Variants in ACTR3C observed in about 807,000 individuals in gnomAD.
ACTR3C encodes actin-related protein 3C.
Under a neutral mutation model 26.3 loss-of-function variants are expected in ACTR3C, and 18 were observed. The observed-to-expected ratio is 0.68, with a 90% CI of 0.47 to 1.01. ACTR3C has a LOEUF of 1.01. Ranked by LOEUF, ACTR3C falls within the 50% of genes least tolerant of loss-of-function variation. The pLI, the probability that ACTR3C is intolerant of heterozygous loss-of-function variation, is 0.00. For missense variants in ACTR3C, 184 were observed against 250.7 expected, an observed-to-expected ratio of 0.73 and a Z score of 1.80; for synonymous variants, 55 against 94.5, an observed-to-expected ratio of 0.58 and a Z score of 2.42.
chr7:150,184,003 T>G, the ACTR3C span, among the ~76,000 whole-genome samples: 1 of 150,734 alleles, frequency 6.6e-6, no homozygotes, highest in Non-Finnish European at 1.5e-5. Context: ...TAATTGTAAG[T>G]TTCCTGGGAC....
At chr7:150,308,114 T>G (rs1266352877) in intron 1 of ACTR3C, among the ~76,000 whole-genome samples, 1 of 152,180 alleles carries the variant, frequency 6.6e-6, no homozygotes, top group Non-Finnish European at 1.5e-5. Flanking sequence ...GTTTAATCAC[T>G]GCGGGGACAC....
At chr7:150,206,645 T>C in the ACTR3C span, among the ~76,000 whole-genome samples, 3 of 151,956 alleles carry the variant, frequency 2.0e-5, no homozygotes, top group East Asian at 5.8e-4. Flanking sequence ...TGGTCTCAAA[T>C]TCCTGACCTC....
At chr7:150,226,339 C>T in the ACTR3C span, among the ~76,000 whole-genome samples, 4 of 152,162 alleles carry the variant, frequency 2.6e-5, no homozygotes, top group African/African-American at 9.7e-5. Flanking sequence ...GCTCCTATTG[C>T]TCTGCTTCCT....
the ACTR3C span, among the ~76,000 whole-genome samples, chr7:149,973,908 TCAGAGGGAGGAGGAGGATGGG>T: frequency 1.0e-5 from 1 of 95,876 alleles, no homozygotes; most frequent in Non-Finnish European, 2.1e-5. Flanking sequence ...GGCCTGATGG[TCAGAGGGAGGAGGAGGATGGG>T]CAGAGGGAGG....
the ACTR3C span, among the ~76,000 whole-genome samples, chr7:150,027,110 C>A: frequency 2.6e-5 from 4 of 152,044 alleles, no homozygotes; most frequent in Non-Finnish European, 4.4e-5. Context: ...TCTCTGTACA[C>A]AGTGAACGAC....
intron 1 of ACTR3C, among the ~76,000 whole-genome samples, chr7:150,313,423 T>C (rs1008971241): frequency 1.3e-5 from 2 of 152,178 alleles, no homozygotes; most frequent in Admixed American, 6.5e-5. Flanking sequence ...TAGAAAGAAA[T>C]GTCTGGGTTA....
At chr7:150,309,532 A>T (rs572518828) in intron 1 of ACTR3C, among the ~76,000 whole-genome samples, 1 of 152,310 alleles carries the variant, frequency 6.6e-6, no homozygotes, top group South Asian at 2.1e-4. Context: ...CTGTAAGACA[A>T]ACCCCAGCCA....
At chr7:149,963,873 G>A in the ACTR3C span, among the ~76,000 whole-genome samples, 6 of 152,206 alleles carry the variant, frequency 3.9e-5, no homozygotes, top group Non-Finnish European at 7.3e-5. Flanking sequence ...CTGTCCCAGA[G>A]CTACTTTTTT....
the ACTR3C span, among the ~76,000 whole-genome samples, chr7:150,050,660 C>A: frequency 2.6e-5 from 4 of 151,964 alleles, no homozygotes; most frequent in African/African-American, 7.3e-5. Flanking sequence ...GTGAAAGGAG[C>A]CGGAATGCTG....
chr7:150,133,562 A>T, the ACTR3C span, among the ~76,000 whole-genome samples: 7 of 151,978 alleles, frequency 4.6e-5, no homozygotes, highest in African/African-American at 1.7e-4. Context: ...CTGGAATATG[A>T]CCCCAACTGC....
At chr7:149,906,412 C>CT in the ACTR3C span, among the ~76,000 whole-genome samples, 2 of 72,100 alleles carry the variant, frequency 2.8e-5, no homozygotes, top group African/African-American at 9.9e-5. Context: ...GGGTTTGTTT[C>CT]TTTTTTTTTT....
the ACTR3C span, among the ~76,000 whole-genome samples, chr7:149,987,579 A>G: frequency 8.0e-6 from 1 of 125,704 alleles, no homozygotes; most frequent in African/African-American, 2.6e-5. Flanking sequence ...AAGAAAAAAT[A>G]AAAAATAAAA....
At chr7:149,921,332 C>T in the ACTR3C span, among the ~76,000 whole-genome samples, 1 of 152,034 alleles carries the variant, frequency 6.6e-6, no homozygotes, top group African/African-American at 2.4e-5. Flanking sequence ...TCTTTCCTAC[C>T]GTGGTCTACG....
chr7:150,208,392 A>C, the ACTR3C span, among the ~76,000 whole-genome samples: 1,774 of 152,272 alleles, frequency 0.012, 44 homozygotes, highest in African/African-American at 0.04. Context: ...TTGGGGAAAG[A>C]ATAACCTGGA....
chr7:150,270,896 G>T (rs1237495403), intron 6 of ACTR3C, among the ~76,000 whole-genome samples: 1 of 152,060 alleles, frequency 6.6e-6, no homozygotes, highest in Non-Finnish European at 1.5e-5. Flanking sequence ...TTTCTCACAG[G>T]TCATCTTTTC....
the ACTR3C span, among the ~76,000 whole-genome samples, chr7:150,036,395 G>C: frequency 2.0e-5 from 3 of 147,282 alleles, no homozygotes; most frequent in African/African-American, 7.4e-5. Flanking sequence ...CCACAGTTTG[G>C]GTTAAAAGTC....
the ACTR3C span, among the ~76,000 whole-genome samples, chr7:150,038,284 C>T: frequency 1.5e-4 from 22 of 144,794 alleles, no homozygotes; most frequent in South Asian, 6.4e-4. Flanking sequence ...TGTTTAGAGA[C>T]GTAGGCTACG....
At chr7:150,138,928 A>C in the ACTR3C span, among the ~76,000 whole-genome samples, 2 of 152,304 alleles carry the variant, frequency 1.3e-5, no homozygotes, top group Non-Finnish European at 2.9e-5. Context: ...CCTTATGAGA[A>C]TCCAATGCCT....
chr7:150,259,518 T>G (rs185411666), intron 6 of ACTR3C, among the ~76,000 whole-genome samples: 228 of 152,318 alleles, frequency 1.5e-3, no homozygotes, highest in Admixed American at 2.4e-3. Flanking sequence ...TAGTGAAGAC[T>G]GTCAACCATG....
Sources: gnomAD v4.1 joint callset for allele counts (sites outside exome capture counted in the v4.1 genomes callset) on GRCh38, gnomAD v4.1.1 for gene constraint, MANE v1.5 for transcripts, NCBI Gene and HGNC (gene_info 2026-07-23, HGNC 2026-07-21) for gene names.